The following LRP1B variants were observed in gnomAD, a reference collection of about 807,000 sequenced individuals.
LRP1B encodes low-density lipoprotein receptor-related protein 1B.
A neutral mutation model predicts 556.6 loss-of-function variants in LRP1B; 217 were observed. The observed-to-expected ratio is 0.39, with a 90% CI of 0.35 to 0.44. LRP1B has a LOEUF of 0.44. Ranked by LOEUF, LRP1B falls within the 20% of genes least tolerant of loss-of-function variation. The probability of loss-of-function intolerance (pLI) is 1.00; values close to 1 mark genes in which losing one functional copy is unlikely to be tolerated. For missense variants in LRP1B, 5,053 were observed against 5,620.8 expected (o/e 0.90, Z 3.23); for synonymous variants, 2,047 against 1,865.8 (o/e 1.10, Z -2.50).
chr2:140,711,019 G>A (rs527591160), intron 37 of LRP1B, among the ~76,000 whole-genome samples: 1 of 152,018 alleles, frequency 6.6e-6, no homozygotes, highest in African/African-American at 2.4e-5. Context: ...ACAAATTAAG[G>A]TTGGTAAAAT....
chr2:140,828,822 A>T (rs1691614585), intron 31 of LRP1B, among the ~76,000 whole-genome samples: 1 of 149,144 alleles, frequency 6.7e-6, no homozygotes, highest in Non-Finnish European at 1.5e-5. Flanking sequence ...AAAGACACAA[A>T]GCAGCTGAAT....
intron 3 of LRP1B, among the ~76,000 whole-genome samples, chr2:141,356,649 A>G (rs1688637024): frequency 6.6e-6 from 1 of 151,752 alleles, no homozygotes; most frequent in South Asian, 2.1e-4. Flanking sequence ...TAGTTTTCAA[A>G]TAAATACCTT....
chr2:140,428,691 GTC>G (rs1337372154), intron 66 of LRP1B, among the ~76,000 whole-genome samples: 1 of 152,104 alleles, frequency 6.6e-6, no homozygotes, highest in Non-Finnish European at 1.5e-5. Context: ...TGGAGGGTAA[GTC>G]TGTCCCCTTT....
Position 140,450,677 on chromosome 2 carries a change from A to G in LRP1B, c.9964-16T>C. On this transcript the variant is annotated splice_polypyrimidine_tract_variant and intron_variant, in intron 62 of 90. Coordinates refer to ENST00000389484, the MANE Select transcript of LRP1B (RefSeq NM_018557.3). ...TGCAACGAAACTTAAAAAAGAAAAA[A>G]AGAAAAAAAAATGTTGAAGAACCCA... 6.3e-7 allele frequency: 1 copy of G among 1,580,760 alleles called. No individual in the cohort carries two copies. The highest frequency in any genetic ancestry group is 8.6e-7 in the Non-Finnish European group (1 of 1,157,626).
chr2:140,821,954 G>A (rs1186827949), intron 31 of LRP1B, among the ~76,000 whole-genome samples: 1 of 151,470 alleles, frequency 6.6e-6, no homozygotes, highest in Non-Finnish European at 1.5e-5. Context: ...GAGACAAGTT[G>A]TGCCACTGCA....
At chr2:140,964,029 T>C (rs1696119932) in intron 18 of LRP1B, among the ~76,000 whole-genome samples, 1 of 152,090 alleles carries the variant, frequency 6.6e-6, no homozygotes, top group Admixed American at 6.5e-5. Flanking sequence ...CTGTTATTTA[T>C]TGGATACAAG....
intron 2 of LRP1B, among the ~76,000 whole-genome samples, chr2:141,580,030 G>C (rs140296080): frequency 6.6e-6 from 1 of 151,958 alleles, no homozygotes; most frequent in South Asian, 2.1e-4. Flanking sequence ...TTACTGTTTT[G>C]ATTTCGGGAA....
intron 31 of LRP1B, among the ~76,000 whole-genome samples, chr2:140,818,867 G>A (rs1046069382): frequency 2.0e-5 from 3 of 149,868 alleles, no homozygotes; most frequent in African/African-American, 7.5e-5. Context: ...AACCCAGGAG[G>A]TAGAGGTTGC....
intron 1 of LRP1B, among the ~76,000 whole-genome samples, chr2:142,027,361 G>C (rs991374007): frequency 6.6e-6 from 1 of 150,906 alleles, no homozygotes; most frequent in African/African-American, 2.4e-5. Flanking sequence ...GCAAAGCCCA[G>C]CATTTCTAAT....
At chr2:142,116,792 C>A (rs1345707727) in intron 1 of LRP1B, among the ~76,000 whole-genome samples, 1 of 152,086 alleles carries the variant, frequency 6.6e-6, no homozygotes, top group African/African-American at 2.4e-5. Context: ...TAAACTAATT[C>A]TTATGTGAAA....
At position 141,656,884 on chromosome 2, in the gene LRP1B, G is replaced by T. The variant is rs559734076; in HGVS notation, c.205+153395C>A. Among the ~76,000 whole-genome samples the T allele has an allele frequency of 5.3e-5, 8 of 152,072 alleles. No individual in the cohort carries two copies. The South Asian group carries it at 1.7e-3, about 32-fold the overall frequency. On this transcript the variant is annotated intron_variant, in intron 2 of 90. Coordinates refer to ENST00000389484, the MANE Select transcript of LRP1B (RefSeq NM_018557.3). ...GCTACATAGTTTTAATACATACAAAGATATGCTAATAGAAGGTGGGCTTAG... is the reference window on the plus strand; with the variant it reads ...GCTACATAGTTTTAATACATACAAATATATGCTAATAGAAGGTGGGCTTAG...
chr2:140,932,459 AG>A (rs60626477), intron 20 of LRP1B, among the ~76,000 whole-genome samples: 17,292 of 152,238 alleles, frequency 0.11, 1,090 homozygotes, highest in Middle Eastern at 0.16. Flanking sequence ...TAGTTGCAAC[AG>A]GCAAAGCCTA....
intron 1 of LRP1B, among the ~76,000 whole-genome samples, chr2:142,073,254 T>C (rs796090423): frequency 5.9e-5 from 9 of 152,132 alleles, no homozygotes; most frequent in African/African-American, 2.2e-4. Flanking sequence ...TTTACAATGA[T>C]TATGTAAAAT....
Position 140,952,469 on chromosome 2 carries a change from A to C in LRP1B, c.2888-529T>G, listed in dbSNP as rs534134074. Among the ~76,000 whole-genome samples the C allele has an allele frequency of 1.1e-4, 17 of 152,256 alleles. No individual in the cohort carries two copies. In the South Asian group the frequency reaches 3.5e-3, roughly 32 times the overall value. On this transcript the variant is annotated intron_variant, in intron 18 of 90. Transcript: ENST00000389484. ...TTAGGTAAGCCAGTATCACCTAGTT[A>C]CAAAGAAAAGTATGAAATCTTAGTC...
chr2:141,718,631 C>A (rs2105492915), intron 2 of LRP1B, among the ~76,000 whole-genome samples: 1 of 152,164 alleles, frequency 6.6e-6, no homozygotes, highest in East Asian at 1.9e-4. Flanking sequence ...CATATGATGT[C>A]CAAAATGCTA....
rs569238293 is a variant in LRP1B at position 141,784,094 on chromosome 2, A to G, written c.205+26185T>C. On this transcript the variant is annotated intron_variant, in intron 2 of 90. Coordinates refer to ENST00000389484, the MANE Select transcript of LRP1B (RefSeq NM_018557.3). ...ATTTGTTGGTACTTTAAAAGTGATT[A>G]TGTGTGGTTTTACATGTAAGAAATT... Among the ~76,000 whole-genome samples, 10 of 152,086 alleles carry G rather than the reference A, an allele frequency of 6.6e-5. No individual in the cohort carries two copies. The East Asian group carries it at 1.9e-3, about 29-fold the overall frequency.
At chr2:141,765,995 G>T (rs988592042) in intron 2 of LRP1B, among the ~76,000 whole-genome samples, 1 of 152,034 alleles carries the variant, frequency 6.6e-6, no homozygotes. Flanking sequence ...TGTAAAAGGA[G>T]CACGTGAAAA....
At chr2:141,984,546 C>A (rs1403666991) in intron 1 of LRP1B, among the ~76,000 whole-genome samples, 1 of 152,018 alleles carries the variant, frequency 6.6e-6, no homozygotes, top group South Asian at 2.1e-4. Context: ...AACACAATAG[C>A]CTGATAATCA....
At chr2:140,732,888 T>C (rs1378232039) in intron 35 of LRP1B, among the ~76,000 whole-genome samples, 6 of 152,164 alleles carry the variant, frequency 3.9e-5, no homozygotes, top group African/African-American at 1.4e-4. Context: ...AGAAAGTTTG[T>C]GATAGAACAT....
Sources: allele counts gnomAD v4.1 joint callset (sites outside exome capture counted in the v4.1 genomes callset), GRCh38; gene constraint gnomAD v4.1.1; transcripts MANE v1.5; gene names NCBI Gene and HGNC (gene_info 2026-07-23, HGNC 2026-07-21).